The following OLA1 variants were observed in gnomAD, a reference collection of about 807,000 sequenced individuals.
The protein encoded by OLA1 is obg-like ATPase 1.
In OLA1, 14 loss-of-function variants were observed where a neutral mutation model predicts 48.4. The observed-to-expected ratio is 0.29, with a 90% CI of 0.19 to 0.45. The LOEUF is 0.45. Ranked by LOEUF, OLA1 falls within the 20% of genes least tolerant of loss-of-function variation. OLA1 has a pLI of 1.00. For synonymous variants in OLA1, 127 were observed against 150.4 expected, an observed-to-expected ratio of 0.84 and a Z score of 1.14; for missense variants, 325 against 467.1, an observed-to-expected ratio of 0.70 and a Z score of 2.80.
chr2:174,115,155 G>A (rs1405458195), intron 7 of OLA1, among the ~76,000 whole-genome samples: 1 of 152,186 alleles, frequency 6.6e-6, no homozygotes, highest in Admixed American at 6.5e-5. Context: ...ATGTAATAGT[G>A]TAATGAGGGT....
At chr2:174,241,343 G>T (rs1688996239) in intron 2 of OLA1, among the ~76,000 whole-genome samples, 1 of 152,162 alleles carries the variant, frequency 6.6e-6, no homozygotes, top group Admixed American at 6.5e-5. Flanking sequence ...CTTTTGGAAT[G>T]GTTTGCTACA....
At chr2:174,085,995 G>C (rs1684968128) in intron 7 of OLA1, among the ~76,000 whole-genome samples, 1 of 152,100 alleles carries the variant, frequency 6.6e-6, no homozygotes, top group Non-Finnish European at 1.5e-5. Context: ...TTGTGTATGT[G>C]TGGTCATTTT....
intron 5 of OLA1, among the ~76,000 whole-genome samples, chr2:174,129,989 C>A (rs964524556): frequency 1.3e-5 from 2 of 152,132 alleles, no homozygotes; most frequent in Non-Finnish European, 2.9e-5. Context: ...AGACAGCCAA[C>A]AATGCACTCA....
chr2:174,247,657 G>A (rs1409309767), intron 1 of OLA1: 3 of 1,550,836 alleles, frequency 1.9e-6, no homozygotes, highest in Admixed American at 2.0e-5. Flanking sequence ...TTTTCACATA[G>A]ATGAACACCC....
Position 174,126,734 on chromosome 2 carries a change from A to G in OLA1, c.550-3059T>C, listed in dbSNP as rs143808476. Among the ~76,000 whole-genome samples the G allele has an allele frequency of 1.5e-4, 23 of 152,320 alleles. No individual in the cohort carries two copies. In the East Asian group the frequency reaches 4.4e-3, roughly 29 times the overall value. On this transcript the variant is annotated intron_variant, in intron 5 of 10. Coordinates refer to ENST00000284719, the MANE Select transcript of OLA1 (RefSeq NM_013341.5). ...TAGCACAGTTCTTGGCACAGAATGA[A>G]TTCTCAATAAATGTGAGTAGTTGCC... is the stretch of plus-strand genomic sequence containing the variant.
chr2:174,099,275 C>T (rs961219415), intron 7 of OLA1, among the ~76,000 whole-genome samples: 5 of 152,042 alleles, frequency 3.3e-5, no homozygotes, highest in African/African-American at 1.2e-4. Flanking sequence ...CCTGCCTCAG[C>T]CTCCCGAGTA....
intron 4 of OLA1, among the ~76,000 whole-genome samples, chr2:174,166,662 T>G (rs1687172962): frequency 6.6e-6 from 1 of 152,248 alleles, no homozygotes; most frequent in Admixed American, 6.5e-5. Flanking sequence ...GCCATTTATA[T>G]GATTTTAAAT....
chr2:174,201,212 T>C (rs1323322186), intron 4 of OLA1, among the ~76,000 whole-genome samples: 3 of 152,198 alleles, frequency 2.0e-5, no homozygotes, highest in Non-Finnish European at 4.4e-5. Flanking sequence ...ATGAGTGTTA[T>C]AGTCAATTAA....
chr2:174,169,292 GGGAGAAAAAA>G (rs1273108879), intron 4 of OLA1, among the ~76,000 whole-genome samples: 1 of 151,562 alleles, frequency 6.6e-6, no homozygotes, highest in African/African-American at 2.4e-5. Context: ...GAAAGAGATG[GGGAGAAAAAA>G]AAACTTGAAG....
intron 4 of OLA1, among the ~76,000 whole-genome samples, chr2:174,206,651 AAATAGCCAGTAGATTAAATAGCTTG>A (rs1688121663): frequency 6.6e-6 from 1 of 152,214 alleles, no homozygotes; most frequent in African/African-American, 2.4e-5. Context: ...ATTAAATTGT[AAATAGCCAGTAGATTAAATAGCTTG>A]ATACAATATT....
intron 7 of OLA1, among the ~76,000 whole-genome samples, chr2:174,088,870 T>A (rs1323696082): frequency 7.0e-6 from 1 of 142,302 alleles, no homozygotes; most frequent in Non-Finnish European, 1.5e-5. Context: ...AGTGAAATCC[T>A]GTCTCAAAAA....
chr2:174,177,741 G>T (rs1687450552), intron 4 of OLA1, among the ~76,000 whole-genome samples: 1 of 151,708 alleles, frequency 6.6e-6, no homozygotes, highest in South Asian at 2.1e-4. Context: ...ATTTTTTTCA[G>T]ACTTTTGACA....
At chr2:174,087,848 A>G (rs551817764) in intron 7 of OLA1, among the ~76,000 whole-genome samples, 10 of 152,340 alleles carry the variant, frequency 6.6e-5, no homozygotes, top group African/African-American at 2.4e-4. Context: ...ATCCAATAAT[A>G]AAGCCAAGTT....
intron 4 of OLA1, among the ~76,000 whole-genome samples, chr2:174,166,122 T>TAAA (rs56760276): frequency 7.0e-6 from 1 of 143,478 alleles, no homozygotes. Context: ...GAGACTCCAT[T>TAAA]AAAAAAAAAA....
At chr2:174,114,589 A>G (rs1476781054) in intron 7 of OLA1, among the ~76,000 whole-genome samples, 1 of 152,144 alleles carries the variant, frequency 6.6e-6, no homozygotes, top group African/African-American at 2.4e-5. Context: ...TTAAATTTCA[A>G]AATGGATTAA....
intron 7 of OLA1, among the ~76,000 whole-genome samples, chr2:174,122,449 G>A (rs1229199972): frequency 6.6e-6 from 1 of 152,184 alleles, no homozygotes; most frequent in Non-Finnish European, 1.5e-5. Context: ...ATATAGTTTA[G>A]GAGAATTCAG....
At chr2:174,093,309 TAATAAAAAAA>T (rs1186889265) in intron 7 of OLA1, among the ~76,000 whole-genome samples, 1 of 151,434 alleles carries the variant, frequency 6.6e-6, no homozygotes, top group Non-Finnish European at 1.5e-5. Flanking sequence ...TAAAATAAAA[TAATAAAAAAA>T]TTAGCCAGGC....
intron 4 of OLA1, among the ~76,000 whole-genome samples, chr2:174,190,890 A>T (rs1687757777): frequency 7.3e-6 from 1 of 137,570 alleles, no homozygotes; most frequent in African/African-American, 2.7e-5. Context: ...GCTTGCAGTG[A>T]GCCGAGATTG....
chr2:174,245,213 A>G (rs1689100415), intron 2 of OLA1, among the ~76,000 whole-genome samples: 1 of 152,196 alleles, frequency 6.6e-6, no homozygotes, highest in Non-Finnish European at 1.5e-5. Flanking sequence ...TATTTTGATT[A>G]ATTATTTGTT....
Sources: gnomAD v4.1 joint callset for allele counts (sites outside exome capture counted in the v4.1 genomes callset) on GRCh38, gnomAD v4.1.1 for gene constraint, MANE v1.5 for transcripts, NCBI Gene and HGNC (gene_info 2026-07-23, HGNC 2026-07-21) for gene names.